The following USP53 variants were observed in gnomAD, a reference collection of about 807,000 sequenced individuals.
USP53 encodes ubiquitin specific peptidase 53.
Under a neutral mutation model 94.9 loss-of-function variants are expected in USP53, and 71 were observed. The ratio of observed to expected loss-of-function variants is 0.75; its 90% CI spans 0.62 to 0.91. The LOEUF is 0.91. Among genes scored for constraint, USP53 ranks in the 40% least tolerant of loss-of-function variants. The pLI is 0.00. For missense variants in USP53, 1,173 were observed against 1,281.0 expected, an observed-to-expected ratio of 0.92 and a Z score of 1.29; for synonymous variants, 375 against 422.7, an observed-to-expected ratio of 0.89 and a Z score of 1.39.
Position 119,292,743 on chromosome 4 carries a change from G to C in USP53, c.2754G>C (p.Gln918His). 2 of 1,613,956 alleles carry C rather than the reference G, an allele frequency of 1.2e-6. No individual in the cohort carries two copies. Among genetic ancestry groups the C allele is most frequent in the Non-Finnish European group, 1.7e-6 (2 of 1,179,958 alleles). ...GTCAGATGCCAAAACTTTTTTGCCA[G>C]AATCTACCACCCCCTTTGCCACCAA... ...DGCQMPKLFC[Q>H]NLPPPLPPKK... is the part of the protein sequence containing the mutation. Residue 918 changes from glutamine to histidine, a missense_variant, in exon 19 of 19, where the codon CAG (glutamine) becomes CAC (histidine). Transcript: ENST00000692078.
At chr4:119,262,933 G>C (rs1750684962) in intron 12 of USP53, among the ~76,000 whole-genome samples, 3 of 152,198 alleles carry the variant, frequency 2.0e-5, no homozygotes, top group Admixed American at 2.0e-4. Context: ...AGGAAATTCA[G>C]ACATAACACA....
At chr4:119,241,249 T>A (rs1747489366) in intron 5 of USP53, among the ~76,000 whole-genome samples, 2 of 152,170 alleles carry the variant, frequency 1.3e-5, no homozygotes, top group South Asian at 2.1e-4. Context: ...GTATTTTTTT[T>A]AAGAATGAAC....
chr4:119,261,715 C>CT lies in USP53; in HGVS notation c.829dup (p.Tyr277LeufsTer2). On this transcript the variant is annotated frameshift_variant and splice_region_variant, in exon 12 of 19. Coordinates refer to ENST00000692078, the MANE Select transcript of USP53 (RefSeq NM_001371395.1). LOFTEE classifies it high-confidence loss of function. ...GTACATTACCAATTTTTTTAAACAG[C>CT]TTTTTTATAGAGTTACTGATGAAAA... is the stretch of plus-strand genomic sequence containing the variant. 1 of 1,563,338 alleles carries CT rather than the reference C, an allele frequency of 6.4e-7. No individual in the cohort carries two copies. Among genetic ancestry groups the CT allele is most frequent in the South Asian group, 1.2e-5 (1 of 84,132 alleles).
At chr4:119,253,557 T>C (rs1240298484) in intron 7 of USP53, among the ~76,000 whole-genome samples, 1 of 152,190 alleles carries the variant, frequency 6.6e-6, no homozygotes, top group Non-Finnish European at 1.5e-5. Flanking sequence ...TTTTTTTTGC[T>C]TTCCATTTGC....
chr4:119,279,758 A>G (rs1028545700), intron 17 of USP53, among the ~76,000 whole-genome samples: 26 of 152,204 alleles, frequency 1.7e-4, no homozygotes, highest in East Asian at 5.8e-4. Context: ...GCGAGATTCC[A>G]TGGGCGTAGG....
chr4:119,290,425 C>T (rs11726229), intron 17 of USP53, among the ~76,000 whole-genome samples: 42,741 of 151,962 alleles, frequency 0.28, 6,223 homozygotes, highest in East Asian at 0.39. Context: ...GTTAAGAGCA[C>T]GGACTTTTGA....
rs191319876 is a variant in USP53 at position 119,246,296 on chromosome 4, T to C, written c.237+867T>C. On this transcript the variant is annotated intron_variant, in intron 6 of 18. Transcript: ENST00000692078. Reference sequence around the variant, plus strand: ...GGTTAGGTTAGTTTAGAAAAGGTGATATAACTCTCACCCACCTCTGTCTCT... The same window carrying C: ...GGTTAGGTTAGTTTAGAAAAGGTGACATAACTCTCACCCACCTCTGTCTCT... 2.6e-5 allele frequency among the ~76,000 whole-genome samples: 4 copies of C among 152,294 alleles called. No homozygotes were observed. The East Asian group carries it at 7.7e-4, about 29-fold the overall frequency.
At chr4:119,287,691 A>G (rs1237717935) in intron 17 of USP53, among the ~76,000 whole-genome samples, 3 of 152,224 alleles carry the variant, frequency 2.0e-5, no homozygotes, top group Non-Finnish European at 2.9e-5. Context: ...ACAGAAGTGT[A>G]GACGATTAAT....
intron 17 of USP53, among the ~76,000 whole-genome samples, chr4:119,285,648 T>G (rs947641380): frequency 6.6e-6 from 1 of 151,914 alleles, no homozygotes; most frequent in African/African-American, 2.4e-5. Flanking sequence ...CAATAAAAAA[T>G]TTTGTCAGAA....
At chr4:119,282,914 T>C (rs533313727) in intron 17 of USP53, among the ~76,000 whole-genome samples, 1 of 152,152 alleles carries the variant, frequency 6.6e-6, no homozygotes, top group East Asian at 1.9e-4. Flanking sequence ...TAAAGAGCCT[T>C]AGAAATTTCT....
At chr4:119,240,066 G>A (rs529469865) in intron 5 of USP53, among the ~76,000 whole-genome samples, 163 bp downstream of exon 5, 1 of 151,894 alleles carries the variant, frequency 6.6e-6, no homozygotes, top group African/African-American at 2.4e-5. Context: ...GGTCATTTTG[G>A]TTTTTATAAT....
rs1329494985 is a variant in USP53, at chr4:119,291,229, A to G, written c.2316A>G (p.Ser772=). Residue 772 remains serine (S), a synonymous_variant, in exon 18 of 19, where the codon TCA becomes TCG. Coordinates refer to ENST00000692078, the MANE Select transcript of USP53 (RefSeq NM_001371395.1). ...AATCTCATGAATTCCACCCAGAATC[A>G]CATTTACAAATAAAAAATCATTTGA... The part of the protein sequence containing the change: ...GYKSHEFHPE[S]HLQIKNHLIK... 1 of 1,599,164 alleles carries G rather than the reference A, an allele frequency of 6.3e-7. No homozygotes were observed. The highest frequency in any genetic ancestry group is 1.7e-5 in the Admixed American group (1 of 57,392).
intron 3 of USP53, chr4:119,219,111 T>A (rs1318230001): frequency 6.6e-6 from 1 of 152,076 alleles, no homozygotes; most frequent in Non-Finnish European, 1.5e-5. Context: ...ATCAAAAAAA[T>A]CCATACACAT....
chr4:119,238,567 G>A (rs1023194364), intron 4 of USP53, among the ~76,000 whole-genome samples: 1 of 152,170 alleles, frequency 6.6e-6, no homozygotes, highest in Non-Finnish European at 1.5e-5. Context: ...GACATGAAGT[G>A]GGCATATGCT....
chr4:119,240,425 G>T (rs1511018), intron 5 of USP53, among the ~76,000 whole-genome samples: 41,673 of 151,816 alleles, frequency 0.27, 6,010 homozygotes, highest in East Asian at 0.39. Flanking sequence ...CTCAATCCTT[G>T]TTGAAAATCT....
rs1257294683 is a variant in USP53, at chr4:119,287,448, ATAGATTATTTT to A, written c.2252-3715_2252-3705del. Among the ~76,000 whole-genome samples the A allele has an allele frequency of 2.0e-5, 3 of 152,138 alleles. No homozygotes were observed. The East Asian group carries it at 5.8e-4, about 29-fold the overall frequency. On this transcript the variant is annotated intron_variant, in intron 17 of 18. Transcript: ENST00000692078. ...TTGCAGAGCCTGATCATAATCAAAT[ATAGATTATTTT>A]TCCCCTATAGGGCAATACCTAAAAA...
chr4:119,267,213 ATATC>A (rs1751240434), intron 12 of USP53, 103 bp from the exon 13 acceptor site: 1 of 961,194 alleles, frequency 1.0e-6, no homozygotes, highest in African/African-American at 1.7e-5. Flanking sequence ...TAGCAGCTGC[ATATC>A]TAAATTTTTT....
chr4:119,219,977 T>C (rs984535886), intron 3 of USP53: 1 of 152,200 alleles, frequency 6.6e-6, no homozygotes, highest in African/African-American at 2.4e-5. Flanking sequence ...ATTTAAGTTT[T>C]TTATTTTAAA....
In USP53 at chr4:119,228,510, A is replaced by G. The variant is rs1233664837; in HGVS notation, c.-664-6780A>G. Among the ~76,000 whole-genome samples, 3 of 152,288 alleles carry G rather than the reference A, an allele frequency of 2.0e-5. No homozygotes were observed. In the East Asian group the frequency reaches 5.8e-4, roughly 29 times the overall value. On this transcript the variant is annotated intron_variant, in intron 3 of 18. Transcript: ENST00000692078. ...AACATAATGAGATAATGGAATACAT[A>G]TCTTGTCATATTTACAGGTTTCTAT...
Sources: allele counts gnomAD v4.1 joint callset (sites outside exome capture counted in the v4.1 genomes callset), GRCh38; gene constraint gnomAD v4.1.1; transcripts MANE v1.5; gene names NCBI Gene and HGNC (gene_info 2026-07-23, HGNC 2026-07-21).